Variants in VGLL4 observed in about 807,000 individuals in gnomAD.
VGLL4 encodes vestigial like family member 4.
VGLL4 carries 7 observed loss-of-function variants against 21.0 expected under a neutral mutation model. The observed-to-expected ratio is 0.33, with a 90% CI of 0.19 to 0.63. VGLL4 has a LOEUF of 0.63. Ranked by LOEUF, VGLL4 falls within the 20% of genes least tolerant of loss-of-function variation. VGLL4 has a pLI of 0.78. For synonymous variants in VGLL4, 222 were observed against 173.2 expected, an observed-to-expected ratio of 1.28 and a Z score of -2.21; for missense variants, 394 against 425.7, an observed-to-expected ratio of 0.93 and a Z score of 0.66.
At chr3:11,710,647 T>C (rs1477172048) in intron 1 of VGLL4, 2 of 152,266 alleles carry the variant, frequency 1.3e-5, no homozygotes, top group African/African-American at 4.8e-5. Flanking sequence ...CTAATTCCTG[T>C]TGGCCCTGTT....
chr3:11,697,822 G>A (rs1231893611), intron 2 of VGLL4, among the ~76,000 whole-genome samples: 1 of 152,134 alleles, frequency 6.6e-6, no homozygotes, highest in African/African-American at 2.4e-5. Context: ...TCATCAATTA[G>A]TCAACCTTCA....
At chr3:11,562,051 C>T (rs1427420831) in intron 3 of VGLL4, among the ~76,000 whole-genome samples, 6 of 152,202 alleles carry the variant, frequency 3.9e-5, no homozygotes, top group African/African-American at 1.4e-4. Flanking sequence ...GCACCCACCA[C>T]CACGCCTGGC....
intron 1 of VGLL4, among the ~76,000 whole-genome samples, chr3:11,632,912 C>G (rs2075512228): frequency 6.6e-6 from 1 of 152,192 alleles, no homozygotes; most frequent in African/African-American, 2.4e-5. Flanking sequence ...GTTCGTTTAG[C>G]AGACTGTCCA....
intron 1 of VGLL4, among the ~76,000 whole-genome samples, chr3:11,642,966 C>G (rs912787505): frequency 6.6e-6 from 1 of 152,134 alleles, no homozygotes; most frequent in African/African-American, 2.4e-5. Context: ...GGGACGCTCA[C>G]TCGCGAGCAC....
At chr3:11,663,165 T>C (rs567183505) in intron 2 of VGLL4, among the ~76,000 whole-genome samples, 2 of 151,628 alleles carry the variant, frequency 1.3e-5, no homozygotes, top group Non-Finnish European at 2.9e-5. Context: ...AATATACGAG[T>C]GAAAAGATAA....
intron 1 of VGLL4, among the ~76,000 whole-genome samples, chr3:11,608,358 G>A (rs917931155): frequency 2.0e-5 from 3 of 152,100 alleles, no homozygotes; most frequent in African/African-American, 4.8e-5. Flanking sequence ...GAAAAATGCC[G>A]AATATATACA....
intron 1 of VGLL4, among the ~76,000 whole-genome samples, chr3:11,635,426 A>G (rs2075567250): frequency 1.3e-5 from 2 of 152,244 alleles, no homozygotes. Context: ...AGGAACATGA[A>G]TGGTGATGAA....
intron 2 of VGLL4, among the ~76,000 whole-genome samples, chr3:11,695,006 T>C (rs2076583749): frequency 1.3e-5 from 2 of 151,878 alleles, no homozygotes; most frequent in Non-Finnish European, 2.9e-5. Context: ...TCAAGTAACA[T>C]AATAAAGATA....
chr3:11,656,789 T>C (rs2075965347), intron 2 of VGLL4, among the ~76,000 whole-genome samples: 1 of 152,128 alleles, frequency 6.6e-6, no homozygotes, highest in Non-Finnish European at 1.5e-5. Flanking sequence ...CTAGCCAGGC[T>C]CTGAGGACTA....
intron 1 of VGLL4, among the ~76,000 whole-genome samples, chr3:11,643,233 C>G (rs1388866979): frequency 6.6e-6 from 1 of 152,188 alleles, no homozygotes; most frequent in Non-Finnish European, 1.5e-5. Context: ...ACTTCACTGC[C>G]TCCCCGTCCA....
intron 2 of VGLL4, among the ~76,000 whole-genome samples, chr3:11,657,114 A>T (rs2075969829): frequency 1.3e-5 from 2 of 152,170 alleles, no homozygotes; most frequent in African/African-American, 4.8e-5. Context: ...CCCAGGCCAT[A>T]ACCTTTGCTA....
intron 2 of VGLL4, among the ~76,000 whole-genome samples, chr3:11,585,278 A>T (rs2074335046): frequency 6.6e-6 from 1 of 152,118 alleles, no homozygotes; most frequent in African/African-American, 2.4e-5. Context: ...TCTATTAAAA[A>T]TACAAAAATT....
chr3:11,593,050 C>T (rs1353065422), intron 2 of VGLL4, among the ~76,000 whole-genome samples: 2 of 152,214 alleles, frequency 1.3e-5, no homozygotes, highest in East Asian at 3.8e-4. Flanking sequence ...TATAAATACA[C>T]ATTACTGTTT....
chr3:11,603,512 A>G (rs779034746), intron 1 of VGLL4, among the ~76,000 whole-genome samples: 26 of 152,218 alleles, frequency 1.7e-4, no homozygotes, highest in Non-Finnish European at 3.5e-4. Flanking sequence ...TATCCTTTCT[A>G]ATTATCTCCG....
chr3:11,711,397 G>C, intron 1 of VGLL4, among the ~76,000 whole-genome samples: 1 of 151,782 alleles, frequency 6.6e-6, no homozygotes, highest in East Asian at 1.9e-4. Context: ...ACCCCATCTC[G>C]ACTAAAAGTA....
At chr3:11,642,371 G>A (rs892257513) in intron 1 of VGLL4, among the ~76,000 whole-genome samples, 1 of 152,142 alleles carries the variant, frequency 6.6e-6, no homozygotes, top group Non-Finnish European at 1.5e-5. Flanking sequence ...AACTGATTAG[G>A]AAACAGGCCT....
At chr3:11,720,206 C>T (rs1349884742) in intron 1 of VGLL4, among the ~76,000 whole-genome samples, 1 of 80,882 alleles carries the variant, frequency 1.2e-5, no homozygotes, top group Non-Finnish European at 2.3e-5. Flanking sequence ...ACCCACGCCG[C>T]CCTCCGCTTC....
rs751324481 is a variant in VGLL4 at position 11,568,593 on chromosome 3, T to C, written c.273-3574A>G. The C allele has an allele frequency of 4.5e-6, 7 of 1,563,428 alleles. No homozygotes were observed. In the Middle Eastern group the frequency reaches 5.0e-4, roughly 111 times the overall value. ...TGGCTGGTTAATTTTAGTAAAATTA[T>C]ACATTACTCACATTTCCAGCTCATT... On this transcript the variant is annotated intron_variant, in intron 2 of 4. Coordinates refer to ENST00000430365, the MANE Select transcript of VGLL4 (RefSeq NM_001128219.3). The surrounding 1 kb of genome is among the most constrained non-coding windows in gnomAD (Gnocchi z 5.9).
chr3:11,647,159 G>A (rs1211531574), upstream of VGLL4, among the ~76,000 whole-genome samples: 1 of 152,138 alleles, frequency 6.6e-6, no homozygotes, highest in Admixed American at 6.5e-5. Flanking sequence ...TGCAGGCTGG[G>A]AGCGCCTCCT....
Sources: allele counts gnomAD v4.1 joint callset (sites outside exome capture counted in the v4.1 genomes callset), GRCh38; gene constraint gnomAD v4.1.1; non-coding constraint Gnocchi (gnomAD v3.1); transcripts MANE v1.5; gene names NCBI Gene and HGNC (gene_info 2026-07-23, HGNC 2026-07-21).